ROS1: variants seen among roughly 807,000 people sequenced by gnomAD.
ROS1 encodes the protein ROS proto-oncogene 1, receptor tyrosine kinase, also known as proto-oncogene tyrosine-protein kinase ROS.
A neutral mutation model predicts 273.5 loss-of-function variants in ROS1; 263 were observed. The observed-to-expected ratio is 0.96, with a 90% CI of 0.87 to 1.06. The LOEUF is 1.06. Among genes scored for constraint, ROS1 ranks in the 50% least tolerant of loss-of-function variants. The pLI, the probability that ROS1 is intolerant of heterozygous loss-of-function variation, is 0.00. For synonymous variants in ROS1, 1,008 were observed against 954.1 expected (o/e 1.06, Z -1.04); for missense variants, 2,833 against 2,751.1 (o/e 1.03, Z -0.67).
At chr6:117,361,510 T>C (rs1415567869) in intron 22 of ROS1, among the ~76,000 whole-genome samples, 1 of 148,774 alleles carries the variant, frequency 6.7e-6, no homozygotes, top group Non-Finnish European at 1.5e-5. Flanking sequence ...TTTGCATGGT[T>C]CCATGGTGAC....
intron 5 of ROS1, among the ~76,000 whole-genome samples, chr6:117,405,534 G>A (rs1184420919): frequency 1.3e-5 from 2 of 152,020 alleles, no homozygotes; most frequent in African/African-American, 4.8e-5. Context: ...AGCAGAGTGA[G>A]GAAAAATAAC....
At chr6:117,329,545 T>TA in intron 32 of ROS1, 99 bp from the exon 33 acceptor site, 1 of 657,580 alleles carries the variant, frequency 1.5e-6, no homozygotes, top group Non-Finnish European at 2.6e-6. Flanking sequence ...AAGACAACAT[T>TA]AAAGAAATAT....
At chr6:117,301,195 C>G (rs2128537539) in intron 42 of ROS1, 58 bp from the exon 43 acceptor site, 1 of 1,405,904 alleles carries the variant, frequency 7.1e-7, no homozygotes, top group African/African-American at 1.5e-5. Flanking sequence ...TTACTGATAA[C>G]CCAGGTAGGG....
rs543420619 is a variant in ROS1, at chr6:117,415,780, C to T, written c.228+478G>A. 4.6e-5 allele frequency among the ~76,000 whole-genome samples: 7 copies of T among 152,198 alleles called. No homozygotes were observed. In the South Asian group the frequency reaches 1.5e-3, roughly 32 times the overall value. ...TCCTGCATAGAAACTTTGAACATGA[C>T]CTACGGCCCTGGTATCCAAAATGTG... On this transcript the variant is annotated intron_variant, in intron 3 of 43. Coordinates refer to ENST00000368507, the MANE Select transcript of ROS1 (RefSeq NM_001378902.1).
chr6:117,290,410 AGATAGGTTGTCTTATTT>A (rs987206916), intron 43 of ROS1, among the ~76,000 whole-genome samples: 2 of 152,200 alleles, frequency 1.3e-5, no homozygotes, highest in Non-Finnish European at 2.9e-5. Flanking sequence ...GCGATAGTAG[AGATAGGTTGTCTTATTT>A]GTTTGCTTTT....
chr6:117,348,472 C>CT (rs1383336675), intron 27 of ROS1, among the ~76,000 whole-genome samples: 1 of 151,892 alleles, frequency 6.6e-6, no homozygotes, highest in African/African-American at 2.4e-5. Flanking sequence ...CATCCACTCT[C>CT]TTTTTTTCTT....
intron 18 of ROS1, among the ~76,000 whole-genome samples, chr6:117,373,414 TC>T (rs1781034042): frequency 6.6e-6 from 1 of 152,198 alleles, no homozygotes; most frequent in Non-Finnish European, 1.5e-5. Flanking sequence ...AGGATGCAGG[TC>T]CCGAGCCTTG....
chr6:117,356,581 G>C (rs761904725), intron 26 of ROS1, 48 bp downstream of exon 26: 1 of 1,538,638 alleles, frequency 6.5e-7, no homozygotes, highest in South Asian at 1.2e-5. Context: ...GCAGTTGAAG[G>C]GGCTGCTCTT....
rs919285089 is a variant in ROS1 at position 117,393,463 on chromosome 6, G to A, written c.1192-142C>T. On this transcript the variant is annotated intron_variant, in intron 11 of 43. Coordinates refer to ENST00000368507, the MANE Select transcript of ROS1 (RefSeq NM_001378902.1). ...GCCCAAGACAAATGAGCAAAAAAAAGCCCTTAAACGACAGTTTTATATCCT... is the reference window on the plus strand; with the variant it reads ...GCCCAAGACAAATGAGCAAAAAAAAACCCTTAAACGACAGTTTTATATCCT... The A allele has an allele frequency of 4.5e-5, 27 of 601,392 alleles. No homozygotes were observed. In the African/African-American group the frequency reaches 4.9e-4, roughly 11 times the overall value. The allele number at this position is 601,392 out of a possible 1,614,324, so 37.3% of individuals were successfully genotyped here. A position where few individuals can be genotyped will look rare whatever the true frequency, so the allele number is the denominator to read the frequency against.
At chr6:117,346,757 C>A (rs1420653797) in intron 27 of ROS1, among the ~76,000 whole-genome samples, 1 of 151,980 alleles carries the variant, frequency 6.6e-6, no homozygotes, top group Non-Finnish European at 1.5e-5. Context: ...TCATTATTAC[C>A]CAAAGTCTAT....
Position 117,419,383 on chromosome 6 carries a change from A to G in ROS1, c.124-877T>C, listed in dbSNP as rs965661786. 3.9e-5 allele frequency among the ~76,000 whole-genome samples: 6 copies of G among 152,358 alleles called. No individual in the cohort carries two copies. In the South Asian group the frequency reaches 8.3e-4, roughly 21 times the overall value. ...ATTGTGTGGGTTGACTTGAAAAGTA[A>G]TCAGACTCAAGAACCAAAGAACAAA... is the stretch of plus-strand genomic sequence containing the variant. On this transcript the variant is annotated intron_variant, in intron 1 of 43. Transcript: ENST00000368507.
intron 42 of ROS1, among the ~76,000 whole-genome samples, chr6:117,303,102 T>A (rs1435236228): frequency 6.6e-6 from 1 of 152,206 alleles, no homozygotes; most frequent in African/African-American, 2.4e-5. Flanking sequence ...GCTAAAGGAC[T>A]GTAGATGCTC....
intron 17 of ROS1, 54 bp downstream of exon 17, chr6:117,383,263 A>T: frequency 7.6e-7 from 1 of 1,319,976 alleles, no homozygotes; most frequent in Non-Finnish European, 1.1e-6. Flanking sequence ...AAGTATTATC[A>T]TAAATATAGA....
Position 117,301,157 on chromosome 6 carries a change from T to C in ROS1, c.6552-20A>G, listed in dbSNP as rs767608696. ...TTCCACCTAAATATATGGGGAAAGA[T>C]GGGAAAGTAAATAGCAATTGGATAT... On this transcript the variant is annotated intron_variant, in intron 42 of 43. Coordinates refer to ENST00000368507, the MANE Select transcript of ROS1 (RefSeq NM_001378902.1). 3.8e-6 allele frequency: 6 copies of C among 1,560,282 alleles called. No homozygotes were observed. Among genetic ancestry groups the C allele is most frequent in the African/African-American group, 1.4e-5 (1 of 72,066 alleles).
intron 9 of ROS1, among the ~76,000 whole-genome samples, chr6:117,395,644 G>C (rs538676994): frequency 1.3e-5 from 2 of 152,148 alleles, no homozygotes; most frequent in South Asian, 4.2e-4. Context: ...CATACAGTAA[G>C]TATTCAGTCA....
chr6:117,344,543 T>G (rs1305160757), intron 27 of ROS1, among the ~76,000 whole-genome samples: 2 of 152,326 alleles, frequency 1.3e-5, no homozygotes, highest in African/African-American at 4.8e-5. Context: ...TCTGATATTG[T>G]TCAGGGCAGT....
rs767616403 is a variant in ROS1, at chr6:117,366,283, C to T, written c.2590G>A (p.Asp864Asn). 14 of 1,613,240 alleles carry T rather than the reference C, an allele frequency of 8.7e-6. No individual in the cohort carries two copies. Among genetic ancestry groups the T allele is most frequent in the East Asian group, 2.2e-5 (1 of 44,890 alleles). The change falls in exon 19 of 44, where the codon GAT becomes AAT. Residue 864 changes from aspartate (D) to asparagine (N), a missense_variant. Asp to Asn is a conservative substitution (Grantham distance 23). Transcript: ENST00000368507. ...GCTGCAAATTCTGTGATGGTGGTAT[C>T]CCCAGTGCTGCTAAAACATAACACC... Reference protein sequence around the residue: ...TAVLRGQSTGDTTITEFAAWS... With the variant: ...TAVLRGQSTGNTTITEFAAWS...
intron 5 of ROS1, among the ~76,000 whole-genome samples, chr6:117,408,537 C>G (rs184109206): frequency 1.2e-4 from 18 of 152,222 alleles, no homozygotes; most frequent in Admixed American, 3.9e-4. Flanking sequence ...CCAGTTAGAA[C>G]GGCGTTCATT....
chr6:117,293,680 A>T (rs1444289189), intron 43 of ROS1, among the ~76,000 whole-genome samples: 1 of 152,192 alleles, frequency 6.6e-6, no homozygotes, highest in Non-Finnish European at 1.5e-5. Flanking sequence ...AAGTTACAAG[A>T]AAAATAGAAA....
Sources: allele counts gnomAD v4.1 joint callset (sites outside exome capture counted in the v4.1 genomes callset), GRCh38; gene constraint gnomAD v4.1.1; transcripts MANE v1.5; gene names NCBI Gene and HGNC (gene_info 2026-07-23, HGNC 2026-07-21).